ESCO1: variants seen among roughly 807,000 people sequenced by gnomAD.
The protein encoded by ESCO1 is N-acetyltransferase ESCO1.
Under a neutral mutation model 83.5 loss-of-function variants are expected in ESCO1, and 33 were observed. The ratio of observed to expected loss-of-function variants is 0.40; its 90% confidence interval spans 0.30 to 0.53. ESCO1 has a LOEUF of 0.53. ESCO1 is among the 20% of genes least tolerant of loss of function. The pLI, the probability that ESCO1 is intolerant of heterozygous loss-of-function variation, is 0.63. For missense variants in ESCO1, 855 were observed against 968.0 expected (o/e 0.88, Z 1.55); for synonymous variants, 332 against 324.3 (o/e 1.02, Z -0.25).
chr18:21,595,402 G>C (rs1029005779), intron 1 of ESCO1, among the ~76,000 whole-genome samples: 35 of 150,158 alleles, frequency 2.3e-4, no homozygotes, highest in Non-Finnish European at 4.7e-4. Context: ...CGGCGCTGTG[G>C]TTCACGCCTG....
intron 8 of ESCO1, among the ~76,000 whole-genome samples, chr18:21,548,560 G>A (rs895392072): frequency 4.6e-5 from 7 of 152,070 alleles, no homozygotes; most frequent in African/African-American, 1.7e-4. Flanking sequence ...AGCACTTTGG[G>A]AGGCCGAGGT....
Position 21,569,868 on chromosome 18 carries a change from CCAAACTCCAT to C in ESCO1, c.1531-1784_1531-1775del, listed in dbSNP as rs1442602186. Among the ~76,000 whole-genome samples, 3 of 152,190 alleles carry C rather than the reference CCAAACTCCAT, an allele frequency of 2.0e-5. No individual in the cohort carries two copies. The East Asian group carries it at 5.8e-4, about 29-fold the overall frequency. On this transcript the variant is annotated intron_variant, in intron 4 of 11. Transcript: ENST00000269214. ...CCGTCTCAAAAAAGAAAAAAATACTCCAAACTCCATCAACAGTGGCTATCTCAGGGAAATG... is the reference window on the plus strand; with the variant it reads ...CCGTCTCAAAAAAGAAAAAAATACTCCAACAGTGGCTATCTCAGGGAAATG...
chr18:21,574,871 T>A lies in ESCO1; in HGVS notation c.-28A>T. The A allele has an allele frequency of 1.3e-6, 2 of 1,533,544 alleles. No homozygotes were observed. Among genetic ancestry groups the A allele is most frequent in the Non-Finnish European group, 1.7e-6 (2 of 1,152,596 alleles). The allele number at this position is 1,533,544 out of a possible 1,614,324, so 95.0% of individuals were successfully genotyped here. A position where few individuals can be genotyped will look rare whatever the true frequency, so the allele number is the denominator to read the frequency against. On this transcript the variant is annotated 5_prime_UTR_variant, in exon 4 of 12. Transcript: ENST00000269214. ...CTGAGTAATGACTTTCTTTTCTGAG[T>A]AGTTTTGAAGAGGATTTTTGTGTCC...
intron 6 of ESCO1, 69 bp from the exon 7 acceptor site, chr18:21,564,386 T>C (rs541463384): frequency 2.8e-6 from 3 of 1,085,164 alleles, no homozygotes; most frequent in East Asian, 2.6e-5. Flanking sequence ...GGGGAAAAAA[T>C]AACTTATTTT....
At chr18:21,561,639 G>A (rs1438468485) in intron 7 of ESCO1, among the ~76,000 whole-genome samples, 1 of 152,168 alleles carries the variant, frequency 6.6e-6, no homozygotes, top group African/African-American at 2.4e-5. Context: ...TGTTGACCAG[G>A]TTGGTCTTGA....
intron 2 of ESCO1, among the ~76,000 whole-genome samples, chr18:21,581,924 A>G (rs1222811202): frequency 6.6e-6 from 1 of 151,918 alleles, no homozygotes; most frequent in Non-Finnish European, 1.5e-5. Flanking sequence ...TACTAAAAAA[A>G]AAAAAAGAAA....
chr18:21,549,916 A>G (rs1453741483), intron 8 of ESCO1, among the ~76,000 whole-genome samples: 3 of 151,834 alleles, frequency 2.0e-5, no homozygotes, highest in South Asian at 2.1e-4. Flanking sequence ...GCAGTGAGCC[A>G]AGATCACGCC....
intron 1 of ESCO1, among the ~76,000 whole-genome samples, chr18:21,599,187 CTT>C: frequency 6.6e-6 from 1 of 152,192 alleles, no homozygotes; most frequent in African/African-American, 2.4e-5. Flanking sequence ...AAATAGAAAA[CTT>C]AGCCTAACAT....
rs1004006606 is a variant in ESCO1, at chr18:21,575,792, G to GT, written c.-693-16dup. ...TCACACAGCACCTGAAAGAAAAAGG[G>GT]TTTTTTTTAATGTTCAAAAGGACAA... On this transcript the variant is annotated splice_polypyrimidine_tract_variant and intron_variant, in intron 2 of 11. Coordinates refer to ENST00000269214, the MANE Select transcript of ESCO1 (RefSeq NM_052911.3). 6.6e-5 allele frequency: 26 copies of GT among 396,730 alleles called. No individual in the cohort carries two copies. The highest frequency in any genetic ancestry group is 1.4e-4 in the East Asian group (4 of 27,916). The allele number at this position is 396,730 out of a possible 1,614,324, so 24.6% of individuals were successfully genotyped here. A position where few individuals can be genotyped will look rare whatever the true frequency, so the allele number is the denominator to read the frequency against.
chr18:21,549,903 G>A lies in ESCO1; in HGVS notation c.1954-9894C>T, dbSNP rs148477096. On this transcript the variant is annotated intron_variant, in intron 8 of 11. Transcript: ENST00000269214. Reference sequence around the variant, plus strand: ...AACTGCTTGAACCCAGGAGACAGAGGTGGCAGTGAGCCAAGATCACGCCAC... The same window carrying A: ...AACTGCTTGAACCCAGGAGACAGAGATGGCAGTGAGCCAAGATCACGCCAC... Among the ~76,000 whole-genome samples, 1,355 of 151,622 alleles carry A rather than the reference G, an allele frequency of 8.9e-3. 11 individuals carry two copies. The highest frequency in any genetic ancestry group is 0.014 in the Non-Finnish European group (972 of 67,928).
chr18:21,570,057 T>A (rs2038318953), intron 4 of ESCO1, among the ~76,000 whole-genome samples: 1 of 152,124 alleles, frequency 6.6e-6, no homozygotes, highest in Non-Finnish European at 1.5e-5. Flanking sequence ...GTCAAAATGT[T>A]GAGATTAGTG....
At chr18:21,589,999 T>C (rs2038641496) in intron 1 of ESCO1, among the ~76,000 whole-genome samples, 1 of 151,176 alleles carries the variant, frequency 6.6e-6, no homozygotes, top group African/African-American at 2.4e-5. Context: ...GGCTAATTTT[T>C]TGTATTTTTA....
At chr18:21,567,658 T>C (rs188449695) in intron 5 of ESCO1, among the ~76,000 whole-genome samples, 2 of 152,240 alleles carry the variant, frequency 1.3e-5, no homozygotes, top group Admixed American at 1.3e-4. Context: ...AATAAAGTAC[T>C]TAAGAAATAA....
intron 9 of ESCO1, among the ~76,000 whole-genome samples, chr18:21,536,853 C>A (rs1366130338): frequency 1.3e-5 from 2 of 152,072 alleles, no homozygotes; most frequent in African/African-American, 4.8e-5. Context: ...TCTTCCCAAC[C>A]CTTAATTAGT....
intron 2 of ESCO1, among the ~76,000 whole-genome samples, chr18:21,581,756 C>T (rs1453434562): frequency 6.6e-6 from 1 of 152,088 alleles, no homozygotes; most frequent in Non-Finnish European, 1.5e-5. Flanking sequence ...TGGGCACACA[C>T]ACCTGTAATA....
intron 5 of ESCO1, 132 bp downstream of exon 5, chr18:21,567,848 T>C (rs2038283523): frequency 1.6e-6 from 1 of 626,784 alleles, no homozygotes; most frequent in Non-Finnish European, 2.7e-6. Context: ...GTCATGATAA[T>C]CACATATTTG....
intron 7 of ESCO1, among the ~76,000 whole-genome samples, chr18:21,562,208 T>TG (rs1359178199): frequency 3.3e-5 from 5 of 152,122 alleles, no homozygotes; most frequent in African/African-American, 1.2e-4. Flanking sequence ...CTTAAAAGTC[T>TG]GGGGGGCCAC....
intron 1 of ESCO1, among the ~76,000 whole-genome samples, chr18:21,588,940 T>C (rs977913549): frequency 1.3e-5 from 2 of 151,542 alleles, no homozygotes; most frequent in African/African-American, 2.4e-5. Context: ...ATTTTAGAAA[T>C]GTTAATAATA....
intron 2 of ESCO1, among the ~76,000 whole-genome samples, chr18:21,579,258 T>A (rs1025363943): frequency 6.6e-6 from 1 of 151,634 alleles, no homozygotes; most frequent in Non-Finnish European, 1.5e-5. Flanking sequence ...CCTCCCAAAG[T>A]GCTAGGATTA....
Sources: gnomAD v4.1 joint callset for allele counts (sites outside exome capture counted in the v4.1 genomes callset) on GRCh38, gnomAD v4.1.1 for gene constraint, MANE v1.5 for transcripts, NCBI Gene and HGNC (gene_info 2026-07-23, HGNC 2026-07-21) for gene names.